RAB2A: variants seen among roughly 807,000 people sequenced by gnomAD.
The protein encoded by RAB2A is ras-related protein Rab-2A.
Under a neutral mutation model 32.5 loss-of-function variants are expected in RAB2A, and 7 were observed. The ratio of observed to expected loss-of-function variants is 0.22; its 90% CI spans 0.12 to 0.40. The LOEUF is 0.40. Among genes scored for constraint, RAB2A ranks in the 10% least tolerant of loss-of-function variants. RAB2A has a pLI of 1.00. For missense variants in RAB2A, 108 were observed against 260.7 expected, an observed-to-expected ratio of 0.41 and a Z score of 4.03; for synonymous variants, 79 against 85.2, an observed-to-expected ratio of 0.93 and a Z score of 0.40.
At chr8:60,618,453 CTTTA>C (rs1273106757) in intron 6 of RAB2A, 123 bp from the exon 7 acceptor site, 1 of 345,968 alleles carries the variant, frequency 2.9e-6, no homozygotes, top group Middle Eastern at 1.0e-3. Flanking sequence ...TATCTTTGTT[CTTTA>C]TTAATATGTA....
intron 6 of RAB2A, among the ~76,000 whole-genome samples, chr8:60,605,359 G>A (rs763785010): frequency 9.2e-5 from 14 of 152,262 alleles, no homozygotes; most frequent in Non-Finnish European, 1.8e-4. Context: ...TTCTAGGGCA[G>A]TGCAGAGGGA....
At position 60,569,623 on chromosome 8, in the gene RAB2A, G is replaced by A. The variant is rs143168073; in HGVS notation, c.119-2423G>A. On this transcript the variant is annotated intron_variant, in intron 2 of 7. Transcript: ENST00000262646. ...GTTCCCAGGCTCAAGTGATCCTTCC[G>A]CACTTCAGCCTCCCAAGTAGCTGGG... 3.7e-3 allele frequency among the ~76,000 whole-genome samples: 569 copies of A among 152,156 alleles called. 5 individuals are homozygous for A. Among genetic ancestry groups the A allele is most frequent in the African/African-American group, 0.013 (539 of 41,536 alleles).
intron 6 of RAB2A, among the ~76,000 whole-genome samples, chr8:60,607,067 G>A (rs1804244378): frequency 6.6e-6 from 1 of 150,724 alleles, no homozygotes; most frequent in Non-Finnish European, 1.5e-5. Context: ...TCTTTTTTAA[G>A]CTAAACTAAG....
intron 3 of RAB2A, among the ~76,000 whole-genome samples, chr8:60,575,792 G>T (rs1184037831): frequency 6.6e-6 from 1 of 151,618 alleles, no homozygotes; most frequent in Non-Finnish European, 1.5e-5. Context: ...CAAGTAGCTG[G>T]AATTACAGGC....
At chr8:60,570,105 G>T (rs763131943) in intron 2 of RAB2A, 22 of 449,872 alleles carry the variant, frequency 4.9e-5, no homozygotes, top group African/African-American at 4.4e-4. Flanking sequence ...CAATTCCAGA[G>T]AGGGAGCATC....
chr8:60,568,845 G>C (rs987304056), intron 2 of RAB2A, among the ~76,000 whole-genome samples: 2 of 152,122 alleles, frequency 1.3e-5, no homozygotes, highest in Non-Finnish European at 2.9e-5. Flanking sequence ...TGGGAAGAGG[G>C]CGTCAAAGGC....
chr8:60,523,003 A>G (rs757749851), intron 1 of RAB2A, among the ~76,000 whole-genome samples: 1 of 152,194 alleles, frequency 6.6e-6, no homozygotes, highest in Admixed American at 6.5e-5. Flanking sequence ...ATTACCTTCA[A>G]AAAACAACCT....
chr8:60,579,043 TG>T (rs1280096314), intron 3 of RAB2A, among the ~76,000 whole-genome samples: 1 of 151,068 alleles, frequency 6.6e-6, no homozygotes, highest in Non-Finnish European at 1.5e-5. Flanking sequence ...TGTTTTGTTT[TG>T]TTTTTGTTTT....
chr8:60,544,552 C>CTTTTTTTTTTTTTTTTTT (rs35482452), intron 1 of RAB2A, among the ~76,000 whole-genome samples: 1 of 114,150 alleles, frequency 8.8e-6, no homozygotes, highest in Non-Finnish European at 1.7e-5. Context: ...TCCCTAGTGC[C>CTTTTTTTTTTTTTTTTTT]TTTTTTTTTT....
chr8:60,602,155 G>C (rs1233977438), intron 6 of RAB2A, among the ~76,000 whole-genome samples: 1 of 152,078 alleles, frequency 6.6e-6, no homozygotes, highest in Non-Finnish European at 1.5e-5. Context: ...TGGGATTACA[G>C]GCTCAAGCCA....
At chr8:60,580,198 A>G (rs1803719575) in intron 3 of RAB2A, among the ~76,000 whole-genome samples, 1 of 145,678 alleles carries the variant, frequency 6.9e-6, no homozygotes, top group Admixed American at 6.9e-5. Flanking sequence ...GGGTTTCACC[A>G]GTTGGTCAGG....
chr8:60,552,576 C>T (rs1467920941), intron 1 of RAB2A: 1 of 152,076 alleles, frequency 6.6e-6, no homozygotes, highest in Admixed American at 6.6e-5. Flanking sequence ...GAAAAGAAAA[C>T]GTTATTAAAA....
At chr8:60,597,857 A>AGGG (rs1369335933) in intron 6 of RAB2A, among the ~76,000 whole-genome samples, 1 of 152,260 alleles carries the variant, frequency 6.6e-6, no homozygotes, top group East Asian at 1.9e-4. Flanking sequence ...AGCTATCACT[A>AGGG]CAGATTCTCC....
chr8:60,620,715 T>C lies in RAB2A; in HGVS notation c.585T>C (p.Asn195=). 1 of 1,613,942 alleles carries C rather than the reference T, an allele frequency of 6.2e-7. No individual in the cohort carries two copies. Among genetic ancestry groups the C allele is most frequent in the Non-Finnish European group, 8.5e-7 (1 of 1,179,982 alleles). The change falls in exon 8 of 8, where the codon AAT becomes AAC. Residue 195 remains asparagine (N), a synonymous_variant. Coordinates refer to ENST00000262646, the MANE Select transcript of RAB2A (RefSeq NM_002865.3). The stretch of plus-strand genomic sequence containing the variant: ...TTGGCCCTCAGCATGCTGCTACCAA[T>C]GCAACACATGCAGGCAATCAGGGAG... ...IKIGPQHAAT[N]ATHAGNQGGQ...
intron 1 of RAB2A, among the ~76,000 whole-genome samples, chr8:60,545,300 CT>C (rs1375658789): frequency 2.6e-5 from 4 of 151,922 alleles, no homozygotes; most frequent in African/African-American, 9.7e-5. Flanking sequence ...AGGAATCTGC[CT>C]TTTTTTTAAT....
chr8:60,547,089 G>T (rs920517252), intron 1 of RAB2A, among the ~76,000 whole-genome samples: 5 of 150,832 alleles, frequency 3.3e-5, no homozygotes, highest in Non-Finnish European at 7.4e-5. Flanking sequence ...TTAGGGAGTG[G>T]TGATGACTCT....
At position 60,517,018 on chromosome 8, in the gene RAB2A, T is replaced by C. The variant is rs1807214824; in HGVS notation, c.-190T>C. The C allele has an allele frequency of 2.0e-6, 1 of 504,342 alleles. No individual in the cohort carries two copies. The highest frequency in any genetic ancestry group is 3.3e-5 in the South Asian group (1 of 30,314). The allele number at this position is 504,342 out of a possible 1,614,324, so 31.2% of individuals were successfully genotyped here. A position where few individuals can be genotyped will look rare whatever the true frequency, so the allele number is the denominator to read the frequency against. On this transcript the variant is annotated 5_prime_UTR_variant, in exon 1 of 8. Coordinates refer to ENST00000262646, the MANE Select transcript of RAB2A (RefSeq NM_002865.3). Reference sequence around the variant, plus strand: ...CGGCTGGGCTCGGTCGGGCGCTGTCTCCCTCGGCTCTGCGGGTGTCAGTTC... The same window carrying C: ...CGGCTGGGCTCGGTCGGGCGCTGTCCCCCTCGGCTCTGCGGGTGTCAGTTC...
At chr8:60,598,310 T>TA (rs1257585198) in intron 6 of RAB2A, among the ~76,000 whole-genome samples, 2 of 152,222 alleles carry the variant, frequency 1.3e-5, no homozygotes, top group African/African-American at 4.8e-5. Context: ...ACTGCGGAAT[T>TA]CTACCAGACG....
intron 4 of RAB2A, 82 bp downstream of exon 4, chr8:60,584,372 T>G: frequency 8.2e-7 from 1 of 1,216,556 alleles, no homozygotes. Context: ...AATGAAAGAA[T>G]AGCTTAGCCT....
Sources: allele counts gnomAD v4.1 joint callset (sites outside exome capture counted in the v4.1 genomes callset), GRCh38; gene constraint gnomAD v4.1.1; transcripts MANE v1.5; gene names NCBI Gene and HGNC (gene_info 2026-07-23, HGNC 2026-07-21).